The following RSPH14 variants were observed in gnomAD, a reference collection of about 807,000 sequenced individuals.
The protein encoded by RSPH14 is rhabdoid tumor deletion region gene 1.
Under a neutral mutation model 26.7 loss-of-function variants are expected in RSPH14, and 20 were observed. That is an observed-to-expected ratio of 0.75 (90% CI 0.53 to 1.09). The LOEUF is 1.09. Among genes scored for constraint, RSPH14 ranks in the 50% least tolerant of loss-of-function variants. The probability of loss-of-function intolerance (pLI) is 0.00; values close to 1 mark genes in which losing one functional copy is unlikely to be tolerated. For synonymous variants in RSPH14, 177 were observed against 189.3 expected, an observed-to-expected ratio of 0.93 and a Z score of 0.53; for missense variants, 449 against 457.2, an observed-to-expected ratio of 0.98 and a Z score of 0.16.
chr22:23,099,495 T>A (rs1207220081), intron 4 of RSPH14, among the ~76,000 whole-genome samples: 3 of 152,220 alleles, frequency 2.0e-5, no homozygotes, highest in Non-Finnish European at 4.4e-5. Context: ...CAAGGGGGTT[T>A]TTCTGGCGCA....
intron 4 of RSPH14, among the ~76,000 whole-genome samples, chr22:23,130,132 AAAGAAAG>A (rs2070308161): frequency 8.5e-6 from 1 of 117,812 alleles, no homozygotes; most frequent in Non-Finnish European, 1.9e-5. Context: ...AGAAAGAAAG[AAAGAAAG>A]AAAGAAAGAA....
intron 4 of RSPH14, among the ~76,000 whole-genome samples, chr22:23,068,659 C>G (rs974230094): frequency 2.6e-5 from 4 of 152,230 alleles, no homozygotes; most frequent in African/African-American, 9.6e-5. Context: ...CCTCTGCAAA[C>G]AATTCAACTC....
At chr22:23,161,652 C>A in the RSPH14 span, 1 of 1,197,572 alleles carries the variant, frequency 8.4e-7, no homozygotes, top group Non-Finnish European at 1.2e-6. Context: ...AGCCCAAGCT[C>A]TGCAGCGTGT....
At chr22:23,165,972 C>T in the RSPH14 span, among the ~76,000 whole-genome samples, 2 of 151,984 alleles carry the variant, frequency 1.3e-5, no homozygotes, top group Admixed American at 6.6e-5. Flanking sequence ...TGGTGAAACC[C>T]TGTCTCTACT....
chr22:23,131,433 G>A (rs2070358603), intron 4 of RSPH14: 2 of 339,882 alleles, frequency 5.9e-6, no homozygotes, highest in Non-Finnish European at 1.1e-5. Context: ...TTCACAGGGT[G>A]CTTGGACTGT....
In RSPH14 at chr22:23,089,205, G is replaced by A. The variant is rs184034341; in HGVS notation, c.422-25072C>T. Among the ~76,000 whole-genome samples, 38 of 152,254 alleles carry A rather than the reference G, an allele frequency of 2.5e-4. No homozygotes were observed. The East Asian group carries it at 6.9e-3, about 28-fold the overall frequency. On this transcript the variant is annotated intron_variant, in intron 4 of 6. Transcript: ENST00000216036. ...GGTCTATAAGCTGATAAGTCTTCCC[G>A]CCCCTGGCTTAGCCGGCTTGGGCAG... is the stretch of plus-strand genomic sequence containing the variant.
intron 4 of RSPH14, among the ~76,000 whole-genome samples, chr22:23,088,600 AG>A (rs535253875): frequency 2.0e-4 from 31 of 152,320 alleles, no homozygotes; most frequent in African/African-American, 7.5e-4. Flanking sequence ...GGTGAGTGGC[AG>A]GTAGGCGCAG....
chr22:23,070,413 C>T (rs1224290260), intron 4 of RSPH14: 1 of 146,540 alleles, frequency 6.8e-6, no homozygotes, highest in East Asian at 2.0e-4. Flanking sequence ...CCAGGCCGGC[C>T]GGAGCGTGTG....
At chr22:23,178,668 G>A in the RSPH14 span, among the ~76,000 whole-genome samples, 3 of 152,202 alleles carry the variant, frequency 2.0e-5, no homozygotes, top group Non-Finnish European at 2.9e-5. Flanking sequence ...TAGAAACTGG[G>A]GCCCATGGGT....
chr22:23,105,456 C>T (rs1362763098), intron 4 of RSPH14, among the ~76,000 whole-genome samples: 1 of 152,252 alleles, frequency 6.6e-6, no homozygotes, highest in Non-Finnish European at 1.5e-5. Flanking sequence ...AGAGCCTGAG[C>T]CTGCTGCAGA....
At chr22:23,116,291 G>A (rs556614920) in intron 4 of RSPH14, among the ~76,000 whole-genome samples, 1 of 152,378 alleles carries the variant, frequency 6.6e-6, no homozygotes, top group African/African-American at 2.4e-5. Context: ...GTGGAGCTGC[G>A]GGTGCAGAGG....
At chr22:23,077,699 C>T (rs562832008) in intron 4 of RSPH14, among the ~76,000 whole-genome samples, 5 of 152,188 alleles carry the variant, frequency 3.3e-5, no homozygotes, top group Non-Finnish European at 4.4e-5. Flanking sequence ...CTGACCTTGG[C>T]TATGGAGCAG....
At chr22:23,065,895 C>T (rs1005866115) in intron 4 of RSPH14, among the ~76,000 whole-genome samples, 2 of 152,110 alleles carry the variant, frequency 1.3e-5, no homozygotes, top group Non-Finnish European at 2.9e-5. Context: ...AGTGCAGAAA[C>T]CCCCCAACCC....
intron 4 of RSPH14, among the ~76,000 whole-genome samples, chr22:23,132,193 C>T (rs1246607142): frequency 1.3e-5 from 2 of 152,166 alleles, no homozygotes; most frequent in African/African-American, 4.8e-5. Flanking sequence ...CCAGGGCACA[C>T]GGGGAGTGAG....
chr22:23,151,340 C>T, the RSPH14 span, among the ~76,000 whole-genome samples: 1 of 152,190 alleles, frequency 6.6e-6, no homozygotes, highest in African/African-American at 2.4e-5. Context: ...GCTGTAAGAC[C>T]TTGTCAACAC....
upstream of RSPH14, among the ~76,000 whole-genome samples, chr22:23,149,646 T>C (rs2146502078): frequency 6.6e-6 from 1 of 152,358 alleles, no homozygotes; most frequent in Admixed American, 6.5e-5. Context: ...GAAGCAATCC[T>C]TCCACCTCAG....
At chr22:23,172,617 G>A in the RSPH14 span, among the ~76,000 whole-genome samples, 3 of 149,062 alleles carry the variant, frequency 2.0e-5, no homozygotes, top group African/African-American at 7.5e-5. Flanking sequence ...GGCAGGAAAT[G>A]GTATGAACCC....
At chr22:23,166,147 TAAAAAAA>T in the RSPH14 span, among the ~76,000 whole-genome samples, 346 of 59,884 alleles carry the variant, frequency 5.8e-3, 9 homozygotes, top group African/African-American at 0.023. Flanking sequence ...CTCTGTCTTT[TAAAAAAA>T]AAAAAAAAAA....
the RSPH14 span, chr22:23,180,073 T>A: frequency 2.9e-6 from 1 of 340,860 alleles, no homozygotes; most frequent in East Asian, 7.5e-5. Context: ...AGGTTGCTTC[T>A]GTCGGAGGAC....
Sources: allele counts gnomAD v4.1 joint callset (sites outside exome capture counted in the v4.1 genomes callset), GRCh38; gene constraint gnomAD v4.1.1; transcripts MANE v1.5; gene names NCBI Gene and HGNC (gene_info 2026-07-23, HGNC 2026-07-21).